The following ADGRE3 variants were observed in gnomAD, a reference collection of about 807,000 sequenced individuals.
ADGRE3 encodes EGF-like module receptor 3.
In ADGRE3, 88 loss-of-function variants were observed where a neutral mutation model predicts 80.1. That is an observed-to-expected ratio of 1.10 (90% CI 0.93 to 1.31). ADGRE3 has a LOEUF of 1.31. ADGRE3 is among the 40% of genes most tolerant of loss of function. The pLI is 0.00. For missense variants in ADGRE3, 715 were observed against 776.5 expected (o/e 0.92, Z 0.94); for synonymous variants, 281 against 294.8 (o/e 0.95, Z 0.48).
Position 14,655,033 on chromosome 19 carries a change from C to T in ADGRE3, c.526G>A (p.Ala176Thr). The change falls in exon 6 of 16, where the codon GCC becomes ACC. Residue 176 changes from alanine (A) to threonine (T), a missense_variant. By Grantham distance (58) the Ala-to-Thr change is moderately conservative. Coordinates refer to ENST00000253673, the MANE Select transcript of ADGRE3 (RefSeq NM_032571.5). ...RDVESKVLET[A>T]LKDPEQKVLK... ...ACTTTTTGTTCTGGATCTTTCAAGG[C>T]AGTTTCTAGAACTTTCGATTCCACA... 1.9e-6 allele frequency: 3 copies of T among 1,614,054 alleles called. No individual in the cohort carries two copies. Among genetic ancestry groups the T allele is most frequent in the Non-Finnish European group, 2.5e-6 (3 of 1,179,992 alleles).
chr19:14,655,852 C>T (rs1014055531), intron 5 of ADGRE3, among the ~76,000 whole-genome samples: 1 of 151,996 alleles, frequency 6.6e-6, no homozygotes, highest in Non-Finnish European at 1.5e-5. Context: ...GGTGATTCTG[C>T]TACTCCCTCC....
At chr19:14,643,144 GTTTTTTTTT>G (rs373306807) in intron 9 of ADGRE3, among the ~76,000 whole-genome samples, 15 of 124,080 alleles carry the variant, frequency 1.2e-4, no homozygotes, top group South Asian at 2.7e-4. Context: ...AGTAATCATG[GTTTTTTTTT>G]TTTTTTTTTT....
intron 14 of ADGRE3, among the ~76,000 whole-genome samples, chr19:14,628,087 C>T (rs1970781167): frequency 6.6e-6 from 1 of 151,950 alleles, no homozygotes; most frequent in Non-Finnish European, 1.5e-5. Flanking sequence ...GAGGTCGTGC[C>T]ATTGCACTCC....
chr19:14,667,695 G>T (rs2146908760), intron 2 of ADGRE3, among the ~76,000 whole-genome samples: 1 of 152,238 alleles, frequency 6.6e-6, no homozygotes, highest in South Asian at 2.1e-4. Flanking sequence ...GGGGGGCGTG[G>T]GGAGGGATAG....
intron 4 of ADGRE3, among the ~76,000 whole-genome samples, chr19:14,660,318 G>A (rs556802722): frequency 5.3e-5 from 8 of 152,242 alleles, no homozygotes; most frequent in African/African-American, 1.2e-4. Context: ...ATAGAGGTGC[G>A]CATTGCTTAG....
chr19:14,620,742 C>G (rs1300532922), intron 15 of ADGRE3, among the ~76,000 whole-genome samples: 2 of 149,768 alleles, frequency 1.3e-5, no homozygotes, highest in African/African-American at 2.5e-5. Context: ...AGGCTACAGG[C>G]ATGCACCACT....
intron 1 of ADGRE3, among the ~76,000 whole-genome samples, chr19:14,671,296 G>T (rs915473082): frequency 6.6e-6 from 1 of 152,142 alleles, no homozygotes; most frequent in Non-Finnish European, 1.5e-5. Flanking sequence ...AATGTTAGTA[G>T]GGCTGGTTTC....
intron 11 of ADGRE3, among the ~76,000 whole-genome samples, chr19:14,635,693 T>C (rs1013941349): frequency 3.9e-5 from 6 of 151,994 alleles, no homozygotes; most frequent in Non-Finnish European, 8.8e-5. Context: ...GATTACAGGC[T>C]TGAGTCACTG....
At chr19:14,623,395 C>A (rs1442331585) in intron 15 of ADGRE3, among the ~76,000 whole-genome samples, 6 of 152,212 alleles carry the variant, frequency 3.9e-5, no homozygotes, top group Non-Finnish European at 5.9e-5. Context: ...CCATGCCCAG[C>A]CTCTTTTTAG....
rs1477531993 is a variant in ADGRE3 at position 14,638,342 on chromosome 19, T to C, written c.1249-2A>G. On this transcript the variant is annotated splice_acceptor_variant, in intron 10 of 15. Coordinates refer to ENST00000253673, the MANE Select transcript of ADGRE3 (RefSeq NM_032571.5). LOFTEE classifies it high-confidence loss of function. Reference sequence around the variant, plus strand: ...ACCGGCGATGATGGAGCACAGCACCTGGGGGAGGAGAAAGGGATGCCTGAA... The same window carrying C: ...ACCGGCGATGATGGAGCACAGCACCCGGGGGAGGAGAAAGGGATGCCTGAA... 6.2e-7 allele frequency: 1 copy of C among 1,612,484 alleles called. No individual in the cohort carries two copies. The highest frequency in any genetic ancestry group is 1.7e-5 in the Admixed American group (1 of 59,984).
At chr19:14,673,615 A>T (rs918345164) in intron 1 of ADGRE3, among the ~76,000 whole-genome samples, 11 of 152,240 alleles carry the variant, frequency 7.2e-5, no homozygotes, top group African/African-American at 2.7e-4. Flanking sequence ...CAAATAACAT[A>T]ACCTGTGCCC....
At position 14,662,144 on chromosome 19, in the gene ADGRE3, C is replaced by A; in HGVS notation, c.200-26G>T. On this transcript the variant is annotated intron_variant, in intron 3 of 15. Coordinates refer to ENST00000253673, the MANE Select transcript of ADGRE3 (RefSeq NM_032571.5). ...CTGGAACACAAAGAAGCAATTGGGT[C>A]ATTCATTCAGCAAAGATTTATTGAG... The A allele has an allele frequency of 1.9e-6, 3 of 1,611,638 alleles. No individual in the cohort carries two copies. The South Asian group carries it at 3.3e-5, about 18-fold the overall frequency.
chr19:14,647,743 CAGAT>C (rs1400709231), intron 7 of ADGRE3, among the ~76,000 whole-genome samples: 2 of 151,550 alleles, frequency 1.3e-5, no homozygotes, highest in African/African-American at 4.8e-5. Context: ...GAGTTGTTCT[CAGAT>C]GGAGCTTAAA....
chr19:14,661,816 C>T, intron 4 of ADGRE3, 147 bp downstream of exon 4: 1 of 751,946 alleles, frequency 1.3e-6, no homozygotes, highest in Non-Finnish European at 2.2e-6. Flanking sequence ...AGGAGAATCG[C>T]TTGAGCCCGG....
the ADGRE3 span, among the ~76,000 whole-genome samples, chr19:14,614,039 C>A: frequency 6.6e-6 from 1 of 152,108 alleles, no homozygotes; most frequent in Non-Finnish European, 1.5e-5. Context: ...GGCTGGAGTG[C>A]AGTGGCATTT....
downstream of ADGRE3, among the ~76,000 whole-genome samples, chr19:14,617,341 C>CCTTTCTTTCTTTCTTTCTTTCTTT (rs1555752261): frequency 2.4e-3 from 137 of 57,264 alleles, 4 homozygotes; most frequent in Non-Finnish European, 3.4e-3. Context: ...TCCCTCCCTC[C>CCTTTCTTTCTTTCTTTCTTTCTTT]CTTTCTTTCT....
chr19:14,668,723 C>T (rs556344241), intron 2 of ADGRE3, 79 bp downstream of exon 2: 5 of 1,226,998 alleles, frequency 4.1e-6, no homozygotes, highest in East Asian at 2.4e-5. Flanking sequence ...GCACTTTTCT[C>T]CAGCCCACTG....
the ADGRE3 span, among the ~76,000 whole-genome samples, chr19:14,601,191 C>G: frequency 2.5e-3 from 378 of 152,214 alleles, 1 homozygote; most frequent in African/African-American, 8.8e-3. Context: ...GTGTGAGCCA[C>G]CACGCTGGGC....
chr19:14,606,919 C>T, the ADGRE3 span: 3 of 670,112 alleles, frequency 4.5e-6, no homozygotes, highest in Non-Finnish European at 4.2e-6. Context: ...ATATGTAGGA[C>T]AGGGCACAGG....
Sources: allele counts gnomAD v4.1 joint callset (sites outside exome capture counted in the v4.1 genomes callset), GRCh38; gene constraint gnomAD v4.1.1; transcripts MANE v1.5; gene names NCBI Gene and HGNC (gene_info 2026-07-23, HGNC 2026-07-21).